Variants in DNAH9 observed in about 807,000 individuals in gnomAD.
The protein encoded by DNAH9 is DNAH9 variant protein.
DNAH9 carries 345 observed loss-of-function variants against 471.6 expected under a neutral mutation model. That is an observed-to-expected ratio of 0.73 (90% CI 0.67 to 0.80). The LOEUF (loss-of-function observed/expected upper bound fraction) is 0.80. Ranked by LOEUF, DNAH9 falls within the 30% of genes least tolerant of loss-of-function variation. The pLI, the probability that DNAH9 is intolerant of heterozygous loss-of-function variation, is 0.00. For missense variants in DNAH9, 5,407 were observed against 5,609.2 expected (o/e 0.96, Z 1.15); for synonymous variants, 2,093 against 2,123.6 (o/e 0.99, Z 0.40).
At chr17:11,864,308 C>G (rs1175681388) in intron 50 of DNAH9, among the ~76,000 whole-genome samples, 1 of 152,000 alleles carries the variant, frequency 6.6e-6, no homozygotes, top group Non-Finnish European at 1.5e-5. Flanking sequence ...GCAGGTTGTT[C>G]AGTTTCCATA....
chr17:11,866,613 G>GC (rs1325804689), intron 50 of DNAH9, among the ~76,000 whole-genome samples: 2 of 152,212 alleles, frequency 1.3e-5, no homozygotes, highest in African/African-American at 2.4e-5. Context: ...TCTGTGCCCT[G>GC]CCCCCAGAGG....
intron 17 of DNAH9, 21 bp from the exon 18 acceptor site, chr17:11,679,736 T>C (rs1597469211): frequency 4.6e-6 from 7 of 1,517,382 alleles, no homozygotes; most frequent in Non-Finnish European, 5.5e-6. Context: ...TGGTTCCTCA[T>C]GTTCTGTTTG....
chr17:11,766,067 T>G (rs1449513805), intron 36 of DNAH9, among the ~76,000 whole-genome samples: 1 of 152,148 alleles, frequency 6.6e-6, no homozygotes, highest in Non-Finnish European at 1.5e-5. Flanking sequence ...TTGACAGCCC[T>G]GCCAGCAACC....
At chr17:11,919,671 A>G (rs1413506685) in intron 61 of DNAH9, among the ~76,000 whole-genome samples, 1 of 152,120 alleles carries the variant, frequency 6.6e-6, no homozygotes, top group East Asian at 1.9e-4. Context: ...TATTCCTTTT[A>G]TTAATACTTA....
chr17:11,722,377 G>C (rs772109411), intron 27 of DNAH9, among the ~76,000 whole-genome samples: 1 of 152,188 alleles, frequency 6.6e-6, no homozygotes, highest in Non-Finnish European at 1.5e-5. Context: ...GAAGTCAGAC[G>C]AAATGAGAAA....
At chr17:11,938,952 T>TGGGAAGATTATCAAAC (rs1183536795) in intron 66 of DNAH9, among the ~76,000 whole-genome samples, 11 of 152,166 alleles carry the variant, frequency 7.2e-5, no homozygotes, top group Admixed American at 6.5e-4. Flanking sequence ...TAAACATCCT[T>TGGGAAGATTATCAAAC]GGGAAGATTA....
intron 7 of DNAH9, 54 bp downstream of exon 7, chr17:11,629,638 C>T (rs2073031336): frequency 5.9e-6 from 9 of 1,527,430 alleles, no homozygotes; most frequent in South Asian, 2.3e-5. Flanking sequence ...GGATGCCTCT[C>T]ATCTGTAGGG....
chr17:11,678,963 A>G (rs906745290), intron 17 of DNAH9, among the ~76,000 whole-genome samples: 3 of 152,126 alleles, frequency 2.0e-5, no homozygotes, highest in Non-Finnish European at 1.5e-5. Context: ...TGCTCCACGT[A>G]TATCATACAG....
chr17:11,821,286 CAAAAAA>C (rs58010981), intron 45 of DNAH9, among the ~76,000 whole-genome samples: 2 of 123,894 alleles, frequency 1.6e-5, no homozygotes. Context: ...AACTCTATCT[CAAAAAA>C]AAAAAAAAAA....
chr17:11,832,187 T>G (rs1022099122), intron 48 of DNAH9, among the ~76,000 whole-genome samples: 1 of 152,188 alleles, frequency 6.6e-6, no homozygotes, highest in African/African-American at 2.4e-5. Context: ...GAAGCTTGGT[T>G]GGGGGAGCCC....
chr17:11,659,725 C>T (rs1007587119), intron 14 of DNAH9, among the ~76,000 whole-genome samples: 1 of 152,248 alleles, frequency 6.6e-6, no homozygotes, highest in Non-Finnish European at 1.5e-5. Context: ...TACATCAGCA[C>T]GTCCTCACCA....
chr17:11,675,956 A>G (rs1363633408), intron 17 of DNAH9, among the ~76,000 whole-genome samples: 1 of 151,910 alleles, frequency 6.6e-6, no homozygotes, highest in African/African-American at 2.4e-5. Context: ...AACAAGAAGT[A>G]ATTCTTCTTA....
At chr17:11,669,307 C>T in intron 16 of DNAH9, 47 bp downstream of exon 16, 2 of 1,594,876 alleles carry the variant, frequency 1.3e-6, no homozygotes, top group Non-Finnish European at 1.7e-6. Flanking sequence ...TCCCGTCCAG[C>T]CGAATCTCGA....
At chr17:11,688,956 C>T (rs2074286290) in intron 19 of DNAH9, among the ~76,000 whole-genome samples, 3 of 151,976 alleles carry the variant, frequency 2.0e-5, no homozygotes, top group Non-Finnish European at 4.4e-5. Flanking sequence ...ATTAGCCAGG[C>T]ATGGTGGCAG....
Position 11,738,963 on chromosome 17 carries a change from C to A in DNAH9, c.5898C>A (p.Val1966=). 1 of 1,613,968 alleles carries A rather than the reference C, an allele frequency of 6.2e-7. No individual in the cohort carries two copies. The highest frequency in any genetic ancestry group is 8.5e-7 in the Non-Finnish European group (1 of 1,179,860). The change falls in exon 29 of 69, where the codon GTC becomes GTA. Residue 1966 remains valine, a synonymous_variant. Transcript: ENST00000262442. ...LGEEISLNPS[V]GIFITMNPGY... The stretch of plus-strand genomic sequence containing the variant: ...AGGAGATCAGCCTGAATCCTTCTGT[C>A]GGTATCTTCATCACCATGAACCCAG...
intron 57 of DNAH9, among the ~76,000 whole-genome samples, chr17:11,888,825 A>T (rs1207933784): frequency 1.3e-5 from 2 of 152,210 alleles, no homozygotes; most frequent in African/African-American, 4.8e-5. Context: ...GGTTGGATTT[A>T]ACAGTTCCCC....
At position 11,631,472 on chromosome 17, in the gene DNAH9, C is replaced by T. The variant is rs186742502; in HGVS notation, c.1519-1115C>T. The stretch of plus-strand genomic sequence containing the variant: ...TATCCTGGCCAACACAGTGAAACCC[C>T]GTCTCAATTAAAAATACAAAAAAAT... On this transcript the variant is annotated intron_variant, in intron 7 of 68. Coordinates refer to ENST00000262442, the MANE Select transcript of DNAH9 (RefSeq NM_001372.4). Among the ~76,000 whole-genome samples the T allele has an allele frequency of 2.6e-3, 392 of 151,982 alleles. 1 individual carries two copies. Among genetic ancestry groups the T allele is most frequent in the Non-Finnish European group, 4.3e-3 (295 of 67,942 alleles).
chr17:11,717,215 A>G (rs1456925721), intron 26 of DNAH9, among the ~76,000 whole-genome samples: 1 of 152,132 alleles, frequency 6.6e-6, no homozygotes, highest in Non-Finnish European at 1.5e-5. Flanking sequence ...ATTGAAGGAG[A>G]AAAAGGGAAC....
chr17:11,915,089 C>A (rs183110026), intron 61 of DNAH9, among the ~76,000 whole-genome samples: 3 of 152,302 alleles, frequency 2.0e-5, no homozygotes, highest in Non-Finnish European at 4.4e-5. Flanking sequence ...GTCTGAATCA[C>A]CATAGTCTTT....
Sources: allele counts gnomAD v4.1 joint callset (sites outside exome capture counted in the v4.1 genomes callset), GRCh38; gene constraint gnomAD v4.1.1; transcripts MANE v1.5; gene names NCBI Gene and HGNC (gene_info 2026-07-23, HGNC 2026-07-21).